The following PDZRN4 variants were observed in gnomAD, a reference collection of about 807,000 sequenced individuals.
PDZRN4 encodes the protein PDZ domain containing ring finger 4.
In PDZRN4, 70 loss-of-function variants were observed where a neutral mutation model predicts 99.0. The ratio of observed to expected loss-of-function variants is 0.71; its 90% CI spans 0.58 to 0.86. PDZRN4 has a LOEUF of 0.86. Ranked by LOEUF, PDZRN4 falls within the 40% of genes least tolerant of loss-of-function variation. PDZRN4 has a pLI of 0.00. For synonymous variants in PDZRN4, 551 were observed against 501.6 expected (o/e 1.10, Z -1.32); for missense variants, 1,474 against 1,331.2 (o/e 1.11, Z -1.67).
At chr12:41,337,447 T>C (rs1951783767) in intron 3 of PDZRN4, among the ~76,000 whole-genome samples, 1 of 151,978 alleles carries the variant, frequency 6.6e-6, no homozygotes. Flanking sequence ...ATGGGGAAGA[T>C]AAATGGACAA....
At chr12:41,370,065 A>T (rs915485699) in intron 3 of PDZRN4, among the ~76,000 whole-genome samples, 2 of 151,932 alleles carry the variant, frequency 1.3e-5, no homozygotes, top group African/African-American at 4.8e-5. Flanking sequence ...ATTACACATT[A>T]TTTCTATCTA....
chr12:41,270,667 C>A (rs1372095929), intron 3 of PDZRN4, among the ~76,000 whole-genome samples: 1 of 152,046 alleles, frequency 6.6e-6, no homozygotes, highest in Non-Finnish European at 1.5e-5. Flanking sequence ...AATGTACTTA[C>A]TTTTGTAGTA....
At position 41,227,179 on chromosome 12, in the gene PDZRN4, G is replaced by A. The variant is rs188833904; in HGVS notation, c.843+32991G>A. 1.2e-3 allele frequency among the ~76,000 whole-genome samples: 177 copies of A among 152,264 alleles called. 1 individual carries two copies. Among genetic ancestry groups the A allele is most frequent in the Non-Finnish European group, 2.3e-3 (159 of 68,010 alleles). On this transcript the variant is annotated intron_variant, in intron 3 of 9. Transcript: ENST00000402685. ...ATAATAGTGAATTAAAAAGATAGAT[G>A]TGTGACATTTAGGGAATGAGAACTT... is the stretch of plus-strand genomic sequence containing the variant.
At chr12:41,337,165 A>G (rs1951781566) in intron 3 of PDZRN4, among the ~76,000 whole-genome samples, 1 of 152,150 alleles carries the variant, frequency 6.6e-6, no homozygotes, top group African/African-American at 2.4e-5. Context: ...CCAAGAATGA[A>G]CAAGGACAGC....
rs754283414 is a variant in PDZRN4 at position 41,572,625 on chromosome 12, T to A, written c.1846T>A (p.Cys616Ser). 3 of 1,614,048 alleles carry A rather than the reference T, an allele frequency of 1.9e-6. No homozygotes were observed. In the African/African-American group the frequency reaches 4.0e-5, roughly 22 times the overall value. ...LVSGEYIDSD[C>S]IGNPDEDCER... ...ATCTGGTGAATACATTGACTCAGAC[T>A]GCATTGGCAACCCAGATGAGGACTG... The change falls in exon 10 of 10, where the codon TGC (cysteine) becomes AGC (serine). Residue 616 changes from cysteine (C) to serine (S), a missense_variant. Cys to Ser is a moderately radical substitution (Grantham distance 112, BLOSUM62 -1). Coordinates refer to ENST00000402685, the MANE Select transcript of PDZRN4 (RefSeq NM_001164595.2).
Position 41,266,695 on chromosome 12 carries a change from G to A in PDZRN4, c.843+72507G>A, listed in dbSNP as rs573386263. Among the ~76,000 whole-genome samples, 7 of 152,270 alleles carry A rather than the reference G, an allele frequency of 4.6e-5. No homozygotes were observed. The South Asian group carries it at 6.2e-4, about 14-fold the overall frequency. On this transcript the variant is annotated intron_variant, in intron 3 of 9. Transcript: ENST00000402685. Reference sequence around the variant, plus strand: ...GCTTTTTAGTCCACTCATAATCTTAGACTGATCTGTTTTTTAAATCAGTGA... The same window carrying A: ...GCTTTTTAGTCCACTCATAATCTTAAACTGATCTGTTTTTTAAATCAGTGA...
intron 5 of PDZRN4, among the ~76,000 whole-genome samples, chr12:41,517,978 TA>T (rs1230289839): frequency 6.6e-6 from 1 of 152,112 alleles, no homozygotes; most frequent in African/African-American, 2.4e-5. Context: ...ATGCAGTCTG[TA>T]AAAACTAGAA....
chr12:41,221,839 T>C (rs1950958009), intron 3 of PDZRN4, among the ~76,000 whole-genome samples: 1 of 152,092 alleles, frequency 6.6e-6, no homozygotes, highest in South Asian at 2.1e-4. Flanking sequence ...CCCCTAACTT[T>C]CCTGGCACAA....
At chr12:41,411,990 G>T (rs1240260574) in intron 3 of PDZRN4, 1 of 152,150 alleles carries the variant, frequency 6.6e-6, no homozygotes, top group African/African-American at 2.4e-5. Flanking sequence ...ATTTATATAT[G>T]ATCTTAGTTA....
At chr12:41,467,358 A>G (rs1285283519) in intron 3 of PDZRN4, among the ~76,000 whole-genome samples, 3 of 152,224 alleles carry the variant, frequency 2.0e-5, no homozygotes, top group Admixed American at 6.5e-5. Flanking sequence ...TTCACAATCC[A>G]TCGTCATTGA....
intron 3 of PDZRN4, among the ~76,000 whole-genome samples, chr12:41,325,885 G>A (rs1304627499): frequency 1.3e-5 from 2 of 152,116 alleles, no homozygotes; most frequent in Non-Finnish European, 2.9e-5. Flanking sequence ...CAAATAAATT[G>A]AAAAGGCCTT....
chr12:41,393,294 G>T (rs148656441), intron 3 of PDZRN4, among the ~76,000 whole-genome samples: 2 of 152,160 alleles, frequency 1.3e-5, no homozygotes, highest in East Asian at 3.9e-4. Flanking sequence ...ATAAATATTT[G>T]CTGGGTAAAT....
Position 41,294,240 on chromosome 12 carries a change from C to T in PDZRN4, c.843+100052C>T, listed in dbSNP as rs907423700. Among the ~76,000 whole-genome samples, 4 of 152,266 alleles carry T rather than the reference C, an allele frequency of 2.6e-5. No homozygotes were observed. The East Asian group carries it at 7.7e-4, about 29-fold the overall frequency. On this transcript the variant is annotated intron_variant, in intron 3 of 9. Coordinates refer to ENST00000402685, the MANE Select transcript of PDZRN4 (RefSeq NM_001164595.2). The stretch of plus-strand genomic sequence containing the variant: ...AGTCAGGCAGACCTGGGTGCAAGTC[C>T]TGCCTTTAACACCCTCGTTGTGCAA...
At chr12:41,546,899 A>G (rs888676949) in intron 5 of PDZRN4, among the ~76,000 whole-genome samples, 16 of 152,230 alleles carry the variant, frequency 1.1e-4, no homozygotes, top group Non-Finnish European at 1.2e-4. Context: ...TCTTCTACAC[A>G]TTGCTTATAG....
intron 3 of PDZRN4, among the ~76,000 whole-genome samples, chr12:41,407,343 T>C (rs1207705786): frequency 6.6e-6 from 1 of 152,198 alleles, no homozygotes; most frequent in Non-Finnish European, 1.5e-5. Flanking sequence ...CAGAGAGCTA[T>C]TTGATGCTGA....
chr12:41,416,764 GT>G (rs1952448942), intron 3 of PDZRN4, among the ~76,000 whole-genome samples: 3 of 152,146 alleles, frequency 2.0e-5, no homozygotes, highest in Admixed American at 2.0e-4. Flanking sequence ...GAATGAATTG[GT>G]TTTCTTCCCT....
At chr12:41,216,657 G>T (rs1950923054) in intron 3 of PDZRN4, among the ~76,000 whole-genome samples, 1 of 151,896 alleles carries the variant, frequency 6.6e-6, no homozygotes, top group South Asian at 2.1e-4. Context: ...TTTATAGTAG[G>T]CAATAATTGA....
chr12:41,565,622 A>G (rs1209385619), intron 8 of PDZRN4, among the ~76,000 whole-genome samples: 3 of 151,660 alleles, frequency 2.0e-5, no homozygotes, highest in Non-Finnish European at 2.9e-5. Context: ...TACTCTCTAG[A>G]TTCTTGGAAA....
At chr12:41,504,042 G>A (rs373136842) in intron 3 of PDZRN4, among the ~76,000 whole-genome samples, 5 of 152,122 alleles carry the variant, frequency 3.3e-5, no homozygotes, top group South Asian at 2.1e-4. Flanking sequence ...AGGCTGAGGC[G>A]GGTAGATCAC....
Sources: allele counts gnomAD v4.1 joint callset (sites outside exome capture counted in the v4.1 genomes callset), GRCh38; gene constraint gnomAD v4.1.1; transcripts MANE v1.5; gene names NCBI Gene and HGNC (gene_info 2026-07-23, HGNC 2026-07-21).